Variants in NCAN observed in about 807,000 individuals in gnomAD.
NCAN encodes the protein neurocan core protein.
NCAN carries 47 observed loss-of-function variants against 121.8 expected under a neutral mutation model. The ratio of observed to expected loss-of-function variants is 0.39; its 90% CI spans 0.31 to 0.49. The LOEUF is 0.49. Ranked by LOEUF, NCAN falls within the 20% of genes least tolerant of loss-of-function variation. The pLI is 0.92. For synonymous variants in NCAN, 633 were observed against 702.0 expected, an observed-to-expected ratio of 0.90 and a Z score of 1.55; for missense variants, 1,517 against 1,773.4, an observed-to-expected ratio of 0.86 and a Z score of 2.60.
At chr19:19,243,643 G>A (rs945451497) in intron 12 of NCAN, among the ~76,000 whole-genome samples, 1 of 152,200 alleles carries the variant, frequency 6.6e-6, no homozygotes, top group Non-Finnish European at 1.5e-5. Flanking sequence ...GGAGGTTGCA[G>A]CGAGCCAAGG....
chr19:19,237,160 C>T (rs1426832018), intron 10 of NCAN, among the ~76,000 whole-genome samples: 9 of 151,804 alleles, frequency 5.9e-5, no homozygotes, highest in Non-Finnish European at 1.3e-4. Flanking sequence ...CCACCAGCCT[C>T]GACCTCCCAA....
rs181708191 is a variant in NCAN, at chr19:19,220,269, G to T, written c.475+953G>T. On this transcript the variant is annotated intron_variant, in intron 3 of 14. Transcript: ENST00000252575. ...GATTTTACTTGGAGTCAATTTTATG[G>T]TTATCTGATTTTATGTAAGACAAAG... Among the ~76,000 whole-genome samples the T allele has an allele frequency of 3.0e-4, 46 of 151,250 alleles. No individual in the cohort carries two copies. The Middle Eastern group carries it at 0.024, about 79-fold the overall frequency.
Position 19,234,990 on chromosome 19 carries a change from T to A in NCAN, c.3144T>A (p.Asp1048Glu). The A allele has an allele frequency of 6.2e-7, 1 of 1,609,542 alleles. No individual in the cohort carries two copies. The highest frequency in any genetic ancestry group is 1.1e-5 in the South Asian group (1 of 90,666). Residue 1048 changes from aspartate to glutamate, a missense_variant, in exon 10 of 15, where the codon GAT becomes GAA. Coordinates refer to ENST00000252575, the MANE Select transcript of NCAN (RefSeq NM_004386.3). ...FAGENCEIDI[D>E]DCLCSPCENG... ...TCTTCCCCTCTCTGCCAGACATTGATGACTGCCTCTGCAGCCCCTGTGAGA... is the reference window on the plus strand; with the variant it reads ...TCTTCCCCTCTCTGCCAGACATTGAAGACTGCCTCTGCAGCCCCTGTGAGA...
chr19:19,225,159 C>T lies in NCAN; in HGVS notation c.961C>T (p.Pro321Ser). ...CAGCGTGCGCTACCCGATCCAGACG[C>T]CGCGCCGGCGCTGCGGGGGCCCAGC... is the stretch of plus-strand genomic sequence containing the variant. ...DGSVRYPIQTPRRRCGGPAPG... is the reference protein window; with the variant it reads ...DGSVRYPIQTSRRRCGGPAPG... Residue 321 changes from proline to serine, a missense_variant, in exon 6 of 15, where the codon CCG (proline) becomes TCG (serine). Physicochemically the swap from Pro to Ser is moderately conservative, Grantham distance 74 (BLOSUM62 -1). Coordinates refer to ENST00000252575, the MANE Select transcript of NCAN (RefSeq NM_004386.3). The surrounding 1 kb of genome is among the most constrained non-coding windows in gnomAD (Gnocchi z 4.0). 6.5e-7 allele frequency: 1 copy of T among 1,530,670 alleles called. No individual in the cohort carries two copies. The highest frequency in any genetic ancestry group is 8.7e-7 in the Non-Finnish European group (1 of 1,149,052). 94.8% of individuals were successfully genotyped at this position (1,530,670 alleles called of 1,614,324 possible).
Position 19,212,259 on chromosome 19 carries a change from A to T in NCAN, c.-8+195A>T, listed in dbSNP as rs569897259. On this transcript the variant is annotated intron_variant, in intron 1 of 14. Transcript: ENST00000252575. The surrounding 1 kb of genome is among the most constrained non-coding windows in gnomAD (Gnocchi z 4.5). ...GCTTGGGAATGCTAGGTGAACAGAC[A>T]TTTGGGGAGGAAGGTTGTCCGCGGA... Among the ~76,000 whole-genome samples, 1 of 146,024 alleles carries T rather than the reference A, an allele frequency of 6.8e-6. No homozygotes were observed. The highest frequency in any genetic ancestry group is 1.5e-5 in the Non-Finnish European group (1 of 66,678).
In NCAN at chr19:19,250,268, C is replaced by A; in HGVS notation, c.*357C>A. On this transcript the variant is annotated 3_prime_UTR_variant, in exon 15 of 15. Coordinates refer to ENST00000252575, the MANE Select transcript of NCAN (RefSeq NM_004386.3). ...GTGCATGAGTGTATGTTTGCATTCA[C>A]ATGAAGGAATTGCTTTTCACACCAG... 2.4e-6 allele frequency: 1 copy of A among 423,418 alleles called. No individual in the cohort carries two copies. Among genetic ancestry groups the A allele is most frequent in the Non-Finnish European group, 4.5e-6 (1 of 220,722 alleles). 26.2% of individuals were successfully genotyped at this position (423,418 alleles called of 1,614,324 possible).
At chr19:19,223,119 A>T (rs1031033602) in intron 3 of NCAN, among the ~76,000 whole-genome samples, 1 of 149,146 alleles carries the variant, frequency 6.7e-6, no homozygotes. Flanking sequence ...AAAAATAAAT[A>T]AAATAAAATA....
At chr19:19,230,765 G>A (rs953832575) in intron 8 of NCAN, among the ~76,000 whole-genome samples, 5 of 137,924 alleles carry the variant, frequency 3.6e-5, no homozygotes, top group African/African-American at 1.4e-4. Flanking sequence ...GTCTTGGTCA[G>A]TTGTTCAGGC....
At position 19,228,019 on chromosome 19, in the gene NCAN, G is replaced by C. The variant is rs756629178; in HGVS notation, c.2399G>C (p.Gly800Ala). ...GCAAGTTCCCCATCTGCCCCCCTGG[G>C]GAGCCCTGGAGTCTTCTTGGTACCC... ...LDASSPSAPL[G>A]SPGVFLVPKV... Residue 800 changes from glycine (G) to alanine (A), a missense_variant, in exon 8 of 15, where the codon GGG (glycine) becomes GCG (alanine). Coordinates refer to ENST00000252575, the MANE Select transcript of NCAN (RefSeq NM_004386.3). 6 of 1,613,472 alleles carry C rather than the reference G, an allele frequency of 3.7e-6. 1 individual carries two copies. The South Asian group carries it at 6.6e-5, about 18-fold the overall frequency.
chr19:19,221,909 A>G (rs2060818191), intron 3 of NCAN, among the ~76,000 whole-genome samples: 2 of 152,072 alleles, frequency 1.3e-5, no homozygotes, highest in Non-Finnish European at 2.9e-5. Flanking sequence ...AAATAAATAA[A>G]TAGTCAAAAA....
intron 10 of NCAN, among the ~76,000 whole-genome samples, chr19:19,236,155 T>C (rs986169189): frequency 6.6e-6 from 1 of 152,206 alleles, no homozygotes; most frequent in African/African-American, 2.4e-5. Flanking sequence ...GGAAACTCTG[T>C]GCCCACTAGG....
At chr19:19,249,027 G>A (rs953728132) in intron 14 of NCAN, 145 bp downstream of exon 14, 6 of 786,802 alleles carry the variant, frequency 7.6e-6, no homozygotes, top group African/African-American at 1.8e-5. Flanking sequence ...TTACCAGCCT[G>A]TCTGATGTTT....
chr19:19,237,163 C>A (rs2060883955), intron 10 of NCAN, among the ~76,000 whole-genome samples: 1 of 151,856 alleles, frequency 6.6e-6, no homozygotes, highest in Admixed American at 6.6e-5. Context: ...CCAGCCTCGA[C>A]CTCCCAAAAT....
In NCAN at chr19:19,216,929, C is replaced by A. The variant is rs771448842; in HGVS notation, c.-7-18C>A. The A allele has an allele frequency of 1.5e-6, 2 of 1,306,170 alleles. No individual in the cohort carries two copies. The highest frequency in any genetic ancestry group is 6.1e-5 in the Admixed American group (2 of 32,702). 80.9% of individuals were successfully genotyped at this position (1,306,170 alleles called of 1,614,324 possible). A position where few individuals can be genotyped will look rare whatever the true frequency, so the allele number is the denominator to read the frequency against. On this transcript the variant is annotated intron_variant, in intron 1 of 14. Coordinates refer to ENST00000252575, the MANE Select transcript of NCAN (RefSeq NM_004386.3). ...TGGGCTGTGGCTCACCCCTCCCTCC[C>A]TCTCCATTTTGTTCCAGATCCAGGA...
chr19:19,217,268 G>C (rs2060799333), intron 2 of NCAN, among the ~76,000 whole-genome samples: 1 of 152,186 alleles, frequency 6.6e-6, no homozygotes, highest in Non-Finnish European at 1.5e-5. Context: ...AGATGAACTG[G>C]AGAGAAAGAA....
chr19:19,231,286 G>A (rs1279364964), intron 8 of NCAN, among the ~76,000 whole-genome samples: 1 of 151,528 alleles, frequency 6.6e-6, no homozygotes, highest in Non-Finnish European at 1.5e-5. Flanking sequence ...CTAAGGGAGT[G>A]TCAAGGCTGG....
intron 14 of NCAN, 95 bp from the exon 15 acceptor site, chr19:19,249,671 T>G (rs547577645): frequency 6.6e-7 from 1 of 1,509,016 alleles, no homozygotes; most frequent in Non-Finnish European, 8.8e-7. Context: ...CTGGCCTCTT[T>G]CCTCTACTTT....
At chr19:19,223,103 G>A (rs1000941245) in intron 3 of NCAN, among the ~76,000 whole-genome samples, 3 of 151,564 alleles carry the variant, frequency 2.0e-5, no homozygotes, top group Admixed American at 2.0e-4. Flanking sequence ...GTGAGATTCT[G>A]TCTCAAAAAA....
At chr19:19,229,037 G>A (rs759045532) in intron 8 of NCAN, among the ~76,000 whole-genome samples, 5 of 152,112 alleles carry the variant, frequency 3.3e-5, no homozygotes, top group Admixed American at 1.3e-4. Context: ...GCAAAACTCC[G>A]TCTCTACTAG....
Sources: gnomAD v4.1 joint callset for allele counts (sites outside exome capture counted in the v4.1 genomes callset) on GRCh38, gnomAD v4.1.1 for gene constraint, Gnocchi (gnomAD v3.1) non-coding constraint, MANE v1.5 for transcripts, NCBI Gene and HGNC (gene_info 2026-07-23, HGNC 2026-07-21) for gene names.